The following KCNN3 variants were observed in gnomAD, a reference collection of about 807,000 sequenced individuals.
KCNN3 encodes small conductance calcium-activated potassium channel protein 3.
KCNN3 carries 16 observed loss-of-function variants against 62.9 expected under a neutral mutation model. The observed-to-expected ratio is 0.25, with a 90% CI of 0.17 to 0.39. KCNN3 has a LOEUF of 0.39. KCNN3 is among the 10% of genes least tolerant of loss of function. The pLI is 1.00. For synonymous variants in KCNN3, 370 were observed against 389.2 expected (o/e 0.95, Z 0.58); for missense variants, 599 against 949.4 (o/e 0.63, Z 4.85).
chr1:154,818,735 G>A (rs1404777934), intron 2 of KCNN3, among the ~76,000 whole-genome samples: 1 of 152,228 alleles, frequency 6.6e-6, no homozygotes, highest in African/African-American at 2.4e-5. Context: ...CCAGAACTGT[G>A]AGAAATACAT....
chr1:154,869,883 C>G lies in KCNN3; in HGVS notation c.82G>C (p.Asp28His). The G allele has an allele frequency of 1.9e-6, 3 of 1,604,864 alleles. No homozygotes were observed. Among genetic ancestry groups the G allele is most frequent in the Non-Finnish European group, 8.5e-7 (1 of 1,175,584 alleles). ...TGCTGCTGCTGCTGCTGCTGCTCAT[C>G]CCCAGAGGATGGACAGGGGCACTTG... Reference protein sequence around the residue: ...DPKCPCPSSGDEQQQQQQQQQ... With the variant: ...DPKCPCPSSGHEQQQQQQQQQ... The change falls in exon 1 of 8, where the codon GAT (aspartate) becomes CAT (histidine). Residue 28 changes from aspartate (D) to histidine (H), a missense_variant. Transcript: ENST00000271915. This position sits in a 1 kb window ranked among gnomAD's most constrained non-coding sequence, Gnocchi z 6.1.
chr1:154,714,670 G>A (rs1004772364), intron 6 of KCNN3, among the ~76,000 whole-genome samples: 8 of 142,712 alleles, frequency 5.6e-5, no homozygotes, highest in Admixed American at 1.4e-4. Context: ...GCTCTTAGAG[G>A]TTCTTACTCT....
At chr1:154,745,146 G>A (rs1411792219) in intron 3 of KCNN3, among the ~76,000 whole-genome samples, 1 of 152,064 alleles carries the variant, frequency 6.6e-6, no homozygotes, top group African/African-American at 2.4e-5. Flanking sequence ...AAATAACGAC[G>A]TTTTCCTCTA....
In KCNN3 at chr1:154,701,579, G is replaced by A. The variant is rs1241243446; in HGVS notation, c.*6397C>T. 1.3e-5 allele frequency: 2 copies of A among 152,126 alleles called. No individual in the cohort carries two copies. Among genetic ancestry groups the A allele is most frequent in the Non-Finnish European group, 2.9e-5 (2 of 68,032 alleles). The allele number at this position is 152,126 out of a possible 1,614,324, so 9.4% of individuals were successfully genotyped here. A position where few individuals can be genotyped will look rare whatever the true frequency, so the allele number is the denominator to read the frequency against. On this transcript the variant is annotated 3_prime_UTR_variant, in exon 8 of 8. Transcript: ENST00000271915. Reference sequence around the variant, plus strand: ...TTGCTATAAAGGACAATATCTCAACGGGAACCCTTTATTTCCTCCCAGCTA... The same window carrying A: ...TTGCTATAAAGGACAATATCTCAACAGGAACCCTTTATTTCCTCCCAGCTA...
intron 3 of KCNN3, among the ~76,000 whole-genome samples, chr1:154,734,798 G>C (rs1328344795): frequency 1.3e-5 from 2 of 152,238 alleles, no homozygotes; most frequent in Non-Finnish European, 2.9e-5. Flanking sequence ...AGTCTTTAAA[G>C]TATTTCCCAG....
At position 154,772,391 on chromosome 1, in the gene KCNN3, G is replaced by T. The variant is rs767904708; in HGVS notation, c.1032C>A (p.Leu344=). 1.2e-6 allele frequency: 2 copies of T among 1,614,016 alleles called. No individual in the cohort carries two copies. The highest frequency in any genetic ancestry group is 1.7e-6 in the Non-Finnish European group (2 of 1,179,988). ...IIAYHTREVQ[L]FVIDNGADDW... ...CATCCGCGCCATTGTCGATCACGAA[G>T]AGCTGGTGGGAGCAGAAAGTCCATT... Residue 344 remains leucine (L), a splice_region_variant and synonymous_variant, in exon 3 of 8, where the codon CTC becomes CTA. Transcript: ENST00000271915. The surrounding 1 kb of genome is among the most constrained non-coding windows in gnomAD (Gnocchi z 5.6).
At chr1:154,726,769 C>T (rs1042171161) in intron 4 of KCNN3, among the ~76,000 whole-genome samples, 4 of 152,140 alleles carry the variant, frequency 2.6e-5, no homozygotes, top group African/African-American at 9.7e-5. Flanking sequence ...GGATCAAAAC[C>T]GGGATTTTAA....
intron 3 of KCNN3, among the ~76,000 whole-genome samples, chr1:154,752,650 A>C (rs1174339802): frequency 7.4e-6 from 1 of 135,656 alleles, no homozygotes; most frequent in Admixed American, 7.9e-5. Context: ...CCATGAACGA[A>C]GATAGTGCTC....
At chr1:154,769,056 G>A (rs1012559639) in intron 3 of KCNN3, among the ~76,000 whole-genome samples, 37 of 151,878 alleles carry the variant, frequency 2.4e-4, no homozygotes, top group African/African-American at 1.7e-4. Context: ...CTGTGACCTC[G>A]GGCCAGTTAC....
chr1:154,805,249 A>G (rs1233637234), intron 2 of KCNN3, among the ~76,000 whole-genome samples: 1 of 152,196 alleles, frequency 6.6e-6, no homozygotes, highest in Non-Finnish European at 1.5e-5. Context: ...CACAATTGTC[A>G]GGTAGGGGGA....
intron 3 of KCNN3, among the ~76,000 whole-genome samples, chr1:154,734,360 AC>A (rs1700664849): frequency 6.6e-6 from 1 of 152,224 alleles, no homozygotes; most frequent in South Asian, 2.1e-4. Context: ...GGGAGACCAA[AC>A]CTACTAGGCT....
At chr1:154,840,467 G>C (rs36088503) in intron 1 of KCNN3, among the ~76,000 whole-genome samples, 1 of 152,074 alleles carries the variant, frequency 6.6e-6, no homozygotes, top group Admixed American at 6.5e-5. Flanking sequence ...GGTTTCCTGC[G>C]AAGGCTTCCG....
Position 154,869,889 on chromosome 1 carries a change from A to G in KCNN3, c.76T>C (p.Ser26Pro). ...TGCTGCTGCTGCTGCTCATCCCCAGAGGATGGACAGGGGCACTTGGGGTCT... is the reference window on the plus strand; with the variant it reads ...TGCTGCTGCTGCTGCTCATCCCCAGGGGATGGACAGGGGCACTTGGGGTCT... ...DEDPKCPCPS[S>P]GDEQQQQQQQ... Residue 26 changes from serine (S) to proline (P), a missense_variant, in exon 1 of 8, where the codon TCT becomes CCT. Around this residue, in one of 7 missense-constraint regions of KCNN3, gnomAD observed 59 missense variants for 62.4 expected, o/e 0.95. Coordinates refer to ENST00000271915, the MANE Select transcript of KCNN3 (RefSeq NM_002249.6). The surrounding 1 kb of genome is among the most constrained non-coding windows in gnomAD (Gnocchi z 6.1). The G allele has an allele frequency of 6.2e-7, 1 of 1,607,248 alleles. No individual in the cohort carries two copies. The highest frequency in any genetic ancestry group is 8.5e-7 in the Non-Finnish European group (1 of 1,177,022).
intron 1 of KCNN3, among the ~76,000 whole-genome samples, chr1:154,834,884 C>G (rs1170251326): frequency 1.3e-5 from 2 of 152,160 alleles, no homozygotes; most frequent in Non-Finnish European, 2.9e-5. Flanking sequence ...AGACCTACAC[C>G]CTGAGCTCTT....
intron 1 of KCNN3, among the ~76,000 whole-genome samples, chr1:154,857,077 C>G (rs1652562865): frequency 6.6e-6 from 1 of 152,206 alleles, no homozygotes; most frequent in Admixed American, 6.5e-5. Context: ...CCCCCACCAG[C>G]CTGTGAGCTC....
intron 2 of KCNN3, among the ~76,000 whole-genome samples, chr1:154,817,022 G>A (rs901215863): frequency 6.6e-6 from 1 of 152,128 alleles, no homozygotes; most frequent in African/African-American, 2.4e-5. Context: ...TCTGTCTGGG[G>A]TATCCTTTCC....
chr1:154,868,433 A>G (rs905492495), intron 1 of KCNN3: 3 of 839,688 alleles, frequency 3.6e-6, no homozygotes, highest in Non-Finnish European at 4.3e-6. Context: ...TGAGAAGAGG[A>G]GGGAAACAGA....
rs550750385 is a variant in KCNN3, at chr1:154,794,079, CCTT to C, written c.1030-21689_1030-21687del. Among the ~76,000 whole-genome samples the C allele has an allele frequency of 3.3e-5, 5 of 152,350 alleles. No homozygotes were observed. In the South Asian group the frequency reaches 1.0e-3, roughly 32 times the overall value. On this transcript the variant is annotated intron_variant, in intron 2 of 7. Transcript: ENST00000271915. Reference sequence around the variant, plus strand: ...ACCACCAAGGCTGTTGTGCTCATCTCCTTCTTGACACACAATCTTTCCGAATGC... The same window carrying C: ...ACCACCAAGGCTGTTGTGCTCATCTCCTTGACACACAATCTTTCCGAATGC...
At chr1:154,815,391 T>C (rs961356857) in intron 2 of KCNN3, among the ~76,000 whole-genome samples, 1 of 152,168 alleles carries the variant, frequency 6.6e-6, no homozygotes, top group Admixed American at 6.5e-5. Context: ...TCTCTGCTCC[T>C]GGCGAATGCA....
Sources: gnomAD v4.1 joint callset for allele counts (sites outside exome capture counted in the v4.1 genomes callset) on GRCh38, gnomAD v4.1.1 for gene constraint, gnomAD v4.1.1 regional missense constraint, Gnocchi (gnomAD v3.1) non-coding constraint, MANE v1.5 for transcripts, NCBI Gene and HGNC (gene_info 2026-07-23, HGNC 2026-07-21) for gene names.